RSPH10B2: variants seen among roughly 807,000 people sequenced by gnomAD.
RSPH10B2 encodes radial spoke head 10 homolog B2, also known as radial spoke head 10 homolog B2 (Chlamydomonas).
Under a neutral mutation model 49.0 loss-of-function variants are expected in RSPH10B2, and 9 were observed. The observed-to-expected ratio is 0.18, with a 90% CI of 0.11 to 0.32. The LOEUF (loss-of-function observed/expected upper bound fraction) is 0.32. RSPH10B2 is among the 10% of genes least tolerant of loss of function. RSPH10B2 has a pLI of 1.00. For missense variants in RSPH10B2, 95 were observed against 589.9 expected (o/e 0.16, Z 8.69); for synonymous variants, 35 against 210.2 (o/e 0.17, Z 7.21).
At chr7:6,797,864 A>ATACAC (rs1370266545) in intron 18 of RSPH10B2, among the ~76,000 whole-genome samples, 1 of 71,336 alleles carries the variant, frequency 1.4e-5, no homozygotes. Context: ...AAAAAAAAAA[A>ATACAC]ATACACACAC....
At chr7:6,767,120 A>ATGGC (rs1781485249) in intron 6 of RSPH10B2, among the ~76,000 whole-genome samples, 1 of 21,656 alleles carries the variant, frequency 4.6e-5, no homozygotes, top group Non-Finnish European at 9.5e-5. Flanking sequence ...ACCCACCACC[A>ATGGC]CCACGGCCGG....
chr7:6,786,483 C>T (rs1218234032), intron 14 of RSPH10B2, among the ~76,000 whole-genome samples: 15 of 108,718 alleles, frequency 1.4e-4, no homozygotes, highest in Admixed American at 4.0e-4. Flanking sequence ...CATGAGCCAC[C>T]GCGCCCAGCC....
At position 6,795,464 on chromosome 7, in the gene RSPH10B2, T is replaced by C. The variant is rs1435370440; in HGVS notation, c.2234-1104T>C. 5.5e-5 allele frequency among the ~76,000 whole-genome samples: 4 copies of C among 72,808 alleles called. No individual in the cohort carries two copies. In the Admixed American group the frequency reaches 6.1e-4, roughly 11 times the overall value. The allele number at this position is 72,808 out of a possible 152,430, so 47.8% of individuals were successfully genotyped here. ...TTTCAAACTCTGAATAAATAAAAGC[T>C]TTCGAATATTTTGTCCCCAAGACCT... On this transcript the variant is annotated intron_variant, in intron 17 of 18. Coordinates refer to ENST00000297186, the Ensembl canonical transcript of RSPH10B2.
chr7:6,796,306 T>C, intron 17 of RSPH10B2, among the ~76,000 whole-genome samples: 1 of 125,322 alleles, frequency 8.0e-6, no homozygotes. Context: ...AGAGTGAGAC[T>C]CTGTCTCCAA....
In RSPH10B2 at chr7:6,780,939, A is replaced by T. The variant is rs765343117; in HGVS notation, c.1609+51A>T. ...ATTTACCGCCCCATTTTTTTTTCTC[A>T]AAATATAAATCTGGGCTGGGCGCAG... On this transcript the variant is annotated intron_variant, in intron 12 of 18. Transcript: ENST00000297186. 7 of 1,356,472 alleles carry T rather than the reference A, an allele frequency of 5.2e-6. 1 individual carries two copies. In the African/African-American group the frequency reaches 1.2e-4, roughly 24 times the overall value. 84.0% of individuals were successfully genotyped at this position (1,356,472 alleles called of 1,614,324 possible).
intron 10 of RSPH10B2, among the ~76,000 whole-genome samples, chr7:6,776,873 T>TCACACACACACACACACACA (rs746541740): frequency 3.6e-5 from 4 of 110,996 alleles, no homozygotes; most frequent in Admixed American, 9.6e-5. Context: ...CGAGACTCCA[T>TCACACACACACACACACACA]CACACACACA....
chr7:6,781,648 C>T lies in RSPH10B2; in HGVS notation c.1758+172C>T, dbSNP rs1355366622. 4 of 778,582 alleles carry T rather than the reference C, an allele frequency of 5.1e-6. 1 individual carries two copies. The highest frequency in any genetic ancestry group is 9.6e-5 in the Admixed American group (2 of 20,756). 48.2% of individuals were successfully genotyped at this position (778,582 alleles called of 1,614,324 possible). A position where few individuals can be genotyped will look rare whatever the true frequency, so the allele number is the denominator to read the frequency against. On this transcript the variant is annotated intron_variant, in intron 13 of 18. Transcript: ENST00000297186. Reference sequence around the variant, plus strand: ...TCTTGGCAGAACAGTGGTCTGTGGTCGTGGAAGGAACAGAAACAGCTGTCA... The same window carrying T: ...TCTTGGCAGAACAGTGGTCTGTGGTTGTGGAAGGAACAGAAACAGCTGTCA...
rs1364955668 is a variant in RSPH10B2, at chr7:6,776,905, ACAC to A, written c.1414+360_1414+362del. Among the ~76,000 whole-genome samples, 24 of 141,102 alleles carry A rather than the reference ACAC, an allele frequency of 1.7e-4. 1 individual carries two copies. The highest frequency in any genetic ancestry group is 6.2e-4 in the African/African-American group (24 of 38,732). 92.6% of individuals were successfully genotyped at this position (141,102 alleles called of 152,430 possible). ...CACACACACACACACACACACACAC[ACAC>A]ACACACACACACACACACAAAAGGC... On this transcript the variant is annotated intron_variant, in intron 10 of 18. Transcript: ENST00000297186.
At chr7:6,763,417 C>T (rs1412817845) in intron 3 of RSPH10B2, among the ~76,000 whole-genome samples, 4 of 112,390 alleles carry the variant, frequency 3.6e-5, no homozygotes, top group African/African-American at 7.2e-5. Flanking sequence ...ACAGCCTGGG[C>T]GACAGAGTGA....
At chr7:6,768,195 A>C (rs1202875234) in intron 6 of RSPH10B2, among the ~76,000 whole-genome samples, 2 of 151,042 alleles carry the variant, frequency 1.3e-5, no homozygotes, top group Non-Finnish European at 3.0e-5. Context: ...AAATAAAAAT[A>C]TATAAAAGCA....
Position 6,786,327 on chromosome 7 carries a change from C to T in RSPH10B2, c.1866+271C>T, listed in dbSNP as rs1230483452. 6.2e-4 allele frequency among the ~76,000 whole-genome samples: 67 copies of T among 108,642 alleles called. 3 individuals are homozygous for T. Among genetic ancestry groups the T allele is most frequent in the Non-Finnish European group, 7.5e-4 (42 of 56,230 alleles). The allele number at this position is 108,642 out of a possible 152,430, so 71.3% of individuals were successfully genotyped here. A position where few individuals can be genotyped will look rare whatever the true frequency, so the allele number is the denominator to read the frequency against. ...CCTCCCGAGTAGCTGAGACTACAGG[C>T]GCCCGCCACCACGCCCGGCTAATTT... is the stretch of plus-strand genomic sequence containing the variant. On this transcript the variant is annotated intron_variant, in intron 14 of 18. Transcript: ENST00000297186.
At chr7:6,770,567 TGC>T (rs1286310848) in intron 7 of RSPH10B2, among the ~76,000 whole-genome samples, 1 of 125,864 alleles carries the variant, frequency 7.9e-6, no homozygotes, top group Non-Finnish European at 1.7e-5. Flanking sequence ...GTTAAGACTG[TGC>T]TACTGCACTC....
chr7:6,792,645 T>C (rs1224933680), intron 17 of RSPH10B2, among the ~76,000 whole-genome samples: 5 of 120,218 alleles, frequency 4.2e-5, no homozygotes, highest in Non-Finnish European at 5.1e-5. Context: ...TGCCTCTGCT[T>C]TCCTCAGGGT....
chr7:6,756,046 A>AT (rs1781057032), upstream of RSPH10B2, among the ~76,000 whole-genome samples: 4 of 150,734 alleles, frequency 2.7e-5, no homozygotes, highest in South Asian at 8.3e-4. Context: ...AGGCGGGCAG[A>AT]TCACGAGGTC....
intron 17 of RSPH10B2, among the ~76,000 whole-genome samples, chr7:6,795,787 C>T (rs1293078667): frequency 6.8e-6 from 1 of 146,520 alleles, no homozygotes; most frequent in Non-Finnish European, 1.5e-5. Context: ...CAATTAGCCT[C>T]GTGTGGTGGT....
At chr7:6,774,902 C>G (rs1397654544) in intron 9 of RSPH10B2, among the ~76,000 whole-genome samples, 2 of 152,130 alleles carry the variant, frequency 1.3e-5, no homozygotes, top group Non-Finnish European at 2.9e-5. Context: ...GTAGCTGGGA[C>G]TATACGGGCA....
intron 17 of RSPH10B2, among the ~76,000 whole-genome samples, chr7:6,792,767 C>G (rs1214350966): frequency 8.4e-6 from 1 of 118,786 alleles, no homozygotes; most frequent in Non-Finnish European, 1.7e-5. Context: ...TTCCCCTTTT[C>G]TTTTCTTTTC....
intron 16 of RSPH10B2, among the ~76,000 whole-genome samples, chr7:6,791,612 C>T (rs1207874868): frequency 4.8e-5 from 7 of 146,680 alleles, no homozygotes; most frequent in Non-Finnish European, 9.0e-5. Flanking sequence ...GGTGTAGTGG[C>T]GCATGCCTGT....
chr7:6,764,436 C>G (rs1330294037), intron 4 of RSPH10B2, among the ~76,000 whole-genome samples: 4 of 151,302 alleles, frequency 2.6e-5, no homozygotes, highest in Admixed American at 6.6e-5. Flanking sequence ...TCTCAGCTCA[C>G]TGCAACCTCT....
Sources: gnomAD v4.1 joint callset for allele counts (sites outside exome capture counted in the v4.1 genomes callset) on GRCh38, gnomAD v4.1.1 for gene constraint, MANE v1.5 for transcripts, NCBI Gene and HGNC (gene_info 2026-07-23, HGNC 2026-07-21) for gene names.